PTPRM: variants seen among roughly 807,000 people sequenced by gnomAD.
PTPRM encodes the protein receptor-type tyrosine-protein phosphatase mu.
In PTPRM, 47 loss-of-function variants were observed where a neutral mutation model predicts 186.7. That is an observed-to-expected ratio of 0.25 (90% confidence interval 0.20 to 0.32). PTPRM has a LOEUF of 0.32. Among genes scored for constraint, PTPRM ranks in the 10% least tolerant of loss-of-function variants. The pLI, the probability that PTPRM is intolerant of heterozygous loss-of-function variation, is 1.00. For synonymous variants in PTPRM, 668 were observed against 674.9 expected (o/e 0.99, Z 0.16); for missense variants, 1,494 against 1,865.0 (o/e 0.80, Z 3.66).
chr18:7,600,899 C>T (rs184342115), intron 1 of PTPRM, among the ~76,000 whole-genome samples: 8 of 152,344 alleles, frequency 5.3e-5, no homozygotes, highest in Admixed American at 2.0e-4. Flanking sequence ...GGAAACTGCT[C>T]CTGCATCTGC....
At chr18:7,646,102 T>A (rs139884282) in intron 1 of PTPRM, among the ~76,000 whole-genome samples, 1 of 152,190 alleles carries the variant, frequency 6.6e-6, no homozygotes, top group African/African-American at 2.4e-5. Context: ...TTGGAATCCA[T>A]TGGAAGACAT....
intron 7 of PTPRM, among the ~76,000 whole-genome samples, chr18:8,068,077 T>C (rs1276050963): frequency 6.6e-6 from 1 of 152,208 alleles, no homozygotes; most frequent in Non-Finnish European, 1.5e-5. Flanking sequence ...ACCCTGACCC[T>C]GATCAAGTTA....
At chr18:7,577,219 G>A (rs1379502172) in intron 1 of PTPRM, among the ~76,000 whole-genome samples, 9 of 151,846 alleles carry the variant, frequency 5.9e-5, no homozygotes, top group African/African-American at 1.9e-4. Context: ...AAATTTAAAG[G>A]AAAAAGTATT....
At chr18:8,394,119 A>G (rs2095833372) in intron 31 of PTPRM, among the ~76,000 whole-genome samples, 2 of 152,154 alleles carry the variant, frequency 1.3e-5, no homozygotes, top group African/African-American at 4.8e-5. Context: ...AAGGCCAGAT[A>G]CGTCTTTGAA....
At chr18:7,790,478 C>G (rs1257239782) in intron 2 of PTPRM, among the ~76,000 whole-genome samples, 2 of 152,194 alleles carry the variant, frequency 1.3e-5, no homozygotes, top group Non-Finnish European at 2.9e-5. Context: ...AGAGCCTCTC[C>G]TCTGTGGCTT....
At chr18:8,379,554 C>T (rs1467067862) in intron 28 of PTPRM, among the ~76,000 whole-genome samples, 3 of 152,160 alleles carry the variant, frequency 2.0e-5, no homozygotes, top group African/African-American at 7.2e-5. Context: ...CAGGAGTATC[C>T]GTAAATGCAG....
chr18:8,139,460 G>A (rs958632422), intron 13 of PTPRM, among the ~76,000 whole-genome samples: 1 of 152,216 alleles, frequency 6.6e-6, no homozygotes, highest in African/African-American at 2.4e-5. Flanking sequence ...ACAGCCTGCA[G>A]TACACACGGC....
At chr18:8,257,693 T>G (rs980107210) in intron 19 of PTPRM, among the ~76,000 whole-genome samples, 1 of 152,230 alleles carries the variant, frequency 6.6e-6, no homozygotes, top group African/African-American at 2.4e-5. Flanking sequence ...CTCTGGTTGT[T>G]GCTGTGACTC....
At chr18:7,735,307 C>G (rs2040745554) in intron 1 of PTPRM, among the ~76,000 whole-genome samples, 1 of 152,118 alleles carries the variant, frequency 6.6e-6, no homozygotes, top group Non-Finnish European at 1.5e-5. Flanking sequence ...GTAATCCCAG[C>G]TACTCGGGAG....
chr18:7,902,107 A>G (rs2049723284), intron 3 of PTPRM, among the ~76,000 whole-genome samples: 1 of 152,202 alleles, frequency 6.6e-6, no homozygotes, highest in African/African-American at 2.4e-5. Context: ...CTTTTCTCCT[A>G]TCTTGACTCT....
At chr18:8,219,655 A>C (rs553076999) in intron 14 of PTPRM, among the ~76,000 whole-genome samples, 1 of 152,194 alleles carries the variant, frequency 6.6e-6, no homozygotes, top group African/African-American at 2.4e-5. Flanking sequence ...TAAAGGTGGG[A>C]TATCTTGAGG....
intron 14 of PTPRM, among the ~76,000 whole-genome samples, chr18:8,218,535 C>A (rs1283423966): frequency 6.6e-6 from 1 of 152,162 alleles, no homozygotes; most frequent in Non-Finnish European, 1.5e-5. Flanking sequence ...TTATAACTGT[C>A]TATTAACTTC....
At position 8,024,619 on chromosome 18, in the gene PTPRM, A is replaced by G. The variant is rs72905875; in HGVS notation, c.1133-45067A>G. 2.5e-3 allele frequency among the ~76,000 whole-genome samples: 385 copies of G among 151,390 alleles called. 1 individual carries two copies. Among genetic ancestry groups the G allele is most frequent in the Non-Finnish European group, 3.9e-3 (265 of 67,954 alleles). ...CCTTAAATTGTCCATGTTTCTGCAA[A>G]TCTCTCTCTTACATAAGACTGTACT... On this transcript the variant is annotated intron_variant, in intron 7 of 32. Coordinates refer to ENST00000580170, the MANE Select transcript of PTPRM (RefSeq NM_001105244.2).
At chr18:8,235,315 C>A (rs1168832500) in intron 14 of PTPRM, among the ~76,000 whole-genome samples, 1 of 152,004 alleles carries the variant, frequency 6.6e-6, no homozygotes, top group African/African-American at 2.4e-5. Context: ...TTACACCTTT[C>A]AAGGAACTGG....
chr18:7,875,376 T>G (rs1599215906), intron 2 of PTPRM, among the ~76,000 whole-genome samples: 1 of 148,632 alleles, frequency 6.7e-6, no homozygotes, highest in African/African-American at 2.5e-5. Flanking sequence ...CAGGCTGGAG[T>G]GCAGTAGCAC....
At chr18:7,896,825 T>G (rs919855231) in intron 3 of PTPRM, among the ~76,000 whole-genome samples, 1 of 152,182 alleles carries the variant, frequency 6.6e-6, no homozygotes, top group Non-Finnish European at 1.5e-5. Context: ...ACATCTTTCC[T>G]GGTAAAAGAG....
At chr18:7,903,603 A>G (rs188398933) in intron 3 of PTPRM, among the ~76,000 whole-genome samples, 150 of 152,354 alleles carry the variant, frequency 9.8e-4, no homozygotes, top group African/African-American at 3.4e-3. Flanking sequence ...TTGCAGGAAT[A>G]TCCGTGCATA....
At chr18:8,141,505 C>T (rs1568411408) in intron 13 of PTPRM, among the ~76,000 whole-genome samples, 1 of 152,116 alleles carries the variant, frequency 6.6e-6, no homozygotes, top group Non-Finnish European at 1.5e-5. Context: ...CTGCAGGTAA[C>T]CACCCCTCCT....
At chr18:7,671,345 C>A (rs1180009093) in intron 1 of PTPRM, among the ~76,000 whole-genome samples, 4 of 152,154 alleles carry the variant, frequency 2.6e-5, no homozygotes, top group African/African-American at 9.7e-5. Flanking sequence ...CAATTGCCTC[C>A]ATTACCAGGA....
Sources: gnomAD v4.1 joint callset for allele counts (sites outside exome capture counted in the v4.1 genomes callset) on GRCh38, gnomAD v4.1.1 for gene constraint, MANE v1.5 for transcripts, NCBI Gene and HGNC (gene_info 2026-07-23, HGNC 2026-07-21) for gene names.